Variants in PREX2 observed in about 807,000 individuals in gnomAD.
PREX2 encodes the protein phosphatidylinositol-3,4,5-trisphosphate dependent Rac exchange factor 2, also known as phosphatidylinositol 3,4,5-trisphosphate-dependent Rac exchanger 2 protein.
Under a neutral mutation model 203.2 loss-of-function variants are expected in PREX2, and 107 were observed. The observed-to-expected ratio is 0.53, with a 90% confidence interval of 0.45 to 0.62. The LOEUF is 0.62. Among genes scored for constraint, PREX2 ranks in the 20% least tolerant of loss-of-function variants. The pLI, the probability that PREX2 is intolerant of heterozygous loss-of-function variation, is 0.00. For synonymous variants in PREX2, 672 were observed against 663.6 expected (o/e 1.01, Z -0.19); for missense variants, 1,777 against 1,955.9 (o/e 0.91, Z 1.72).
At chr8:68,002,484 A>T (rs1235652536) in intron 1 of PREX2, among the ~76,000 whole-genome samples, 1 of 152,156 alleles carries the variant, frequency 6.6e-6, no homozygotes, top group East Asian at 1.9e-4. Context: ...TGGCTGGAAG[A>T]TACTAATTTT....
chr8:68,108,269 G>T lies in PREX2; in HGVS notation c.2876G>T (p.Gly959Val). Residue 959 changes from glycine to valine, a missense_variant, in exon 24 of 40, where the codon GGT becomes GTT. By Grantham distance (109) the Gly-to-Val change is moderately radical (BLOSUM62 -3). Transcript: ENST00000288368. ...TCAACCTCTTTGGGAAGTGCATTTG[G>T]TGTTCAGTTGGATAGCAGGAAGCAT... Reference protein sequence around the residue: ...KTSTSLGSAFGVQLDSRKHNS... With the variant: ...KTSTSLGSAFVVQLDSRKHNS... The T allele has an allele frequency of 2.5e-6, 4 of 1,613,984 alleles. No homozygotes were observed. Among genetic ancestry groups the T allele is most frequent in the Non-Finnish European group, 3.4e-6 (4 of 1,179,910 alleles).
intron 38 of PREX2, among the ~76,000 whole-genome samples, chr8:68,218,391 T>C (rs914315802): frequency 2.0e-5 from 3 of 152,208 alleles, no homozygotes; most frequent in Non-Finnish European, 2.9e-5. Flanking sequence ...TCCAATTTAC[T>C]AATTACAAAA....
Position 68,191,780 on chromosome 8 carries a change from G to A in PREX2, c.4405G>A (p.Val1469Ile). 6.3e-7 allele frequency: 1 copy of A among 1,599,848 alleles called. No homozygotes were observed. Among genetic ancestry groups the A allele is most frequent in the Non-Finnish European group, 8.6e-7 (1 of 1,167,390 alleles). The change falls in exon 36 of 40, where the codon GTA (valine) becomes ATA (isoleucine). Residue 1469 changes from valine to isoleucine, a missense_variant. Transcript: ENST00000288368. ...AAACTCCACATCCAAAGCTGCCTAT[G>A]TAGATAAGGTAAAAACAGATGATTA... ...PPNSTSKAAY[V>I]DKLMRPLNAL...
intron 35 of PREX2, among the ~76,000 whole-genome samples, chr8:68,180,774 C>T (rs940878488): frequency 5.3e-5 from 8 of 152,020 alleles, no homozygotes; most frequent in South Asian, 2.1e-4. Context: ...CAGTCATTGG[C>T]GTCCTTAGAG....
At chr8:68,057,202 C>T (rs907474044) in intron 10 of PREX2, among the ~76,000 whole-genome samples, 6 of 152,156 alleles carry the variant, frequency 3.9e-5, no homozygotes, top group African/African-American at 1.2e-4. Context: ...CCTTCACTCG[C>T]CTTCTCTCAC....
chr8:68,064,303 T>C (rs879263132), intron 11 of PREX2, among the ~76,000 whole-genome samples: 3 of 152,196 alleles, frequency 2.0e-5, no homozygotes, highest in African/African-American at 7.2e-5. Flanking sequence ...AACACAATTA[T>C]TATTAATTCA....
intron 30 of PREX2, among the ~76,000 whole-genome samples, chr8:68,122,998 T>C (rs1219123210): frequency 6.6e-6 from 1 of 152,082 alleles, no homozygotes; most frequent in Non-Finnish European, 1.5e-5. Flanking sequence ...GGGATAGAGA[T>C]ATCTGTAGAT....
At chr8:68,109,821 G>A (rs922624573) in intron 25 of PREX2, among the ~76,000 whole-genome samples, 198 bp downstream of exon 25, 5 of 152,108 alleles carry the variant, frequency 3.3e-5, no homozygotes, top group African/African-American at 1.2e-4. Context: ...TTTTAAGTAA[G>A]CATTTAATAC....
intron 35 of PREX2, among the ~76,000 whole-genome samples, chr8:68,188,937 T>C (rs956264143): frequency 1.3e-5 from 2 of 152,356 alleles, no homozygotes; most frequent in East Asian, 1.9e-4. Context: ...TTCCACATAC[T>C]ATTACAGGTG....
chr8:68,046,855 A>G (rs1469073066), intron 8 of PREX2, among the ~76,000 whole-genome samples: 4 of 152,062 alleles, frequency 2.6e-5, no homozygotes, highest in Admixed American at 2.0e-4. Flanking sequence ...TCCTGCAAGT[A>G]CAATTTAGTT....
intron 35 of PREX2, among the ~76,000 whole-genome samples, chr8:68,167,471 C>A (rs1811787267): frequency 6.6e-6 from 1 of 151,906 alleles, no homozygotes; most frequent in Non-Finnish European, 1.5e-5. Context: ...GTAGCTGGGA[C>A]TATAGGCATG....
intron 20 of PREX2, among the ~76,000 whole-genome samples, chr8:68,093,101 G>C (rs895039758): frequency 6.6e-6 from 1 of 152,108 alleles, no homozygotes; most frequent in Admixed American, 6.5e-5. Flanking sequence ...TAAAAAGTCA[G>C]TTTGTTAGGC....
rs970635568 is a variant in PREX2, at chr8:68,236,449, G to A, written c.*5071G>A. On this transcript the variant is annotated 3_prime_UTR_variant, in exon 40 of 40. Transcript: ENST00000288368. ...GAAAACCTTCGTGGTGTCTCTGTGT[G>A]TTATTGATCATCTGTGTCTTTTGCT... 2.6e-5 allele frequency: 4 copies of A among 152,114 alleles called. No individual in the cohort carries two copies. The highest frequency in any genetic ancestry group is 4.4e-5 in the Non-Finnish European group (3 of 68,002). The allele number at this position is 152,114 out of a possible 1,614,324, so 9.4% of individuals were successfully genotyped here. A position where few individuals can be genotyped will look rare whatever the true frequency, so the allele number is the denominator to read the frequency against.
chr8:68,028,941 A>C (rs1807805855), intron 5 of PREX2, among the ~76,000 whole-genome samples: 1 of 152,004 alleles, frequency 6.6e-6, no homozygotes, highest in South Asian at 2.1e-4. Context: ...CCCTTCAAGC[A>C]GTGGATGGAT....
chr8:67,973,769 G>A (rs1049794206), intron 1 of PREX2, among the ~76,000 whole-genome samples: 1 of 151,984 alleles, frequency 6.6e-6, no homozygotes, highest in Admixed American at 6.6e-5. Flanking sequence ...TATCATATTT[G>A]GGCCTGATAG....
At chr8:68,083,606 C>A (rs977522342) in intron 18 of PREX2, among the ~76,000 whole-genome samples, 5 of 152,136 alleles carry the variant, frequency 3.3e-5, no homozygotes, top group African/African-American at 1.2e-4. Context: ...TTAGTGGAAA[C>A]AATGCTTTTC....
At chr8:67,975,237 C>A (rs1806041514) in intron 1 of PREX2, among the ~76,000 whole-genome samples, 1 of 148,738 alleles carries the variant, frequency 6.7e-6, no homozygotes, top group African/African-American at 2.5e-5. Context: ...TATAATGAAC[C>A]AATGGATCTG....
intron 1 of PREX2, among the ~76,000 whole-genome samples, chr8:67,961,253 T>C (rs775493338): frequency 6.6e-6 from 1 of 152,026 alleles, no homozygotes; most frequent in Non-Finnish European, 1.5e-5. Flanking sequence ...AAAATAATTG[T>C]TTTAGTTTGC....
At chr8:67,952,858 A>G (rs1805393417) in intron 1 of PREX2, among the ~76,000 whole-genome samples, 1 of 152,126 alleles carries the variant, frequency 6.6e-6, no homozygotes, top group Non-Finnish European at 1.5e-5. Flanking sequence ...CCGCCTCCCC[A>G]GTCTGCTCAA....
Sources: gnomAD v4.1 joint callset for allele counts (sites outside exome capture counted in the v4.1 genomes callset) on GRCh38, gnomAD v4.1.1 for gene constraint, MANE v1.5 for transcripts, NCBI Gene and HGNC (gene_info 2026-07-23, HGNC 2026-07-21) for gene names.